Variants in DLG2 observed in about 807,000 individuals in gnomAD.
The protein encoded by DLG2 is disks large homolog 2.
Under a neutral mutation model 132.5 loss-of-function variants are expected in DLG2, and 45 were observed. The ratio of observed to expected loss-of-function variants is 0.34; its 90% confidence interval spans 0.27 to 0.44. The LOEUF is 0.44. DLG2 is among the 20% of genes least tolerant of loss of function. The pLI, the probability that DLG2 is intolerant of heterozygous loss-of-function variation, is 1.00. For synonymous variants in DLG2, 424 were observed against 419.6 expected (o/e 1.01, Z -0.13); for missense variants, 1,045 against 1,196.9 (o/e 0.87, Z 1.87).
chr11:83,830,980 G>A (rs958938724), intron 17 of DLG2, among the ~76,000 whole-genome samples: 1 of 152,180 alleles, frequency 6.6e-6, no homozygotes, highest in Non-Finnish European at 1.5e-5. Context: ...AGATACGTTA[G>A]TATGCTTTAG....
intron 6 of DLG2, among the ~76,000 whole-genome samples, chr11:84,631,019 C>CTCTCTCTCTG (rs1491269248): frequency 1.3e-5 from 1 of 76,414 alleles, no homozygotes; most frequent in Admixed American, 1.4e-4. Flanking sequence ...CTCTCTCTCT[C>CTCTCTCTCTG]ACACACACAC....
chr11:84,237,183 C>G (rs1802076978), intron 8 of DLG2, among the ~76,000 whole-genome samples: 1 of 152,114 alleles, frequency 6.6e-6, no homozygotes, highest in South Asian at 2.1e-4. Context: ...CTGCCTCGGC[C>G]TCCCAAAGTC....
Position 84,332,220 on chromosome 11 carries a change from T to TC in DLG2, c.520-80930_520-80929insG, listed in dbSNP as rs60384741. Reference sequence around the variant, plus strand: ...TTGCTTGTCCTTTTTTTTTTTTTTTTTCTTTTTCTGAGACAGAGTCTCGCT... The same window carrying TC: ...TTGCTTGTCCTTTTTTTTTTTTTTTTCTCTTTTTCTGAGACAGAGTCTCGCT... On this transcript the variant is annotated intron_variant, in intron 7 of 27. Coordinates refer to ENST00000376104, the MANE Select transcript of DLG2 (RefSeq NM_001142699.3). 8.9e-3 allele frequency among the ~76,000 whole-genome samples: 1,340 copies of TC among 151,264 alleles called. 15 individuals carry two copies. The highest frequency in any genetic ancestry group is 0.029 in the African/African-American group (1,197 of 41,154).
intron 7 of DLG2, among the ~76,000 whole-genome samples, chr11:84,367,245 G>C (rs1182638647): frequency 6.6e-6 from 1 of 152,140 alleles, no homozygotes; most frequent in African/African-American, 2.4e-5. Context: ...TTTTTCAACA[G>C]AGGAGGACAA....
At position 85,349,486 on chromosome 11, in the gene DLG2, T is replaced by G. The variant is rs536878232; in HGVS notation, c.41-64121A>C. Among the ~76,000 whole-genome samples, 11 of 152,248 alleles carry G rather than the reference T, an allele frequency of 7.2e-5. No homozygotes were observed. In the East Asian group the frequency reaches 1.9e-3, roughly 27 times the overall value. On this transcript the variant is annotated intron_variant, in intron 3 of 27. Transcript: ENST00000376104. ...TGTAGGTTTGATACATAGGTATACA[T>G]GTGCCATGTTGGTTTGCTGCACCCA... is the stretch of plus-strand genomic sequence containing the variant.
At chr11:85,231,537 C>T (rs1008709948) in intron 4 of DLG2, among the ~76,000 whole-genome samples, 1 of 151,898 alleles carries the variant, frequency 6.6e-6, no homozygotes, top group Admixed American at 6.6e-5. Flanking sequence ...CCTAATATTT[C>T]TGTCACCAAT....
intron 3 of DLG2, among the ~76,000 whole-genome samples, chr11:85,404,836 G>A (rs1179186922): frequency 2.0e-5 from 3 of 151,826 alleles, no homozygotes; most frequent in Non-Finnish European, 2.9e-5. Flanking sequence ...CTATCATAAC[G>A]TATCACAGAG....
intron 4 of DLG2, among the ~76,000 whole-genome samples, chr11:85,209,242 A>G (rs2082093955): frequency 6.6e-6 from 1 of 152,076 alleles, no homozygotes; most frequent in Admixed American, 6.6e-5. Flanking sequence ...ATACTTAGTT[A>G]AGTTCAATTT....
intron 6 of DLG2, among the ~76,000 whole-genome samples, chr11:85,019,964 A>G (rs566703056): frequency 2.0e-5 from 3 of 152,244 alleles, no homozygotes; most frequent in South Asian, 4.1e-4. Flanking sequence ...ATGATTTATA[A>G]TCCTTTGGCT....
At chr11:84,571,167 A>T (rs2099482707) in intron 6 of DLG2, among the ~76,000 whole-genome samples, 1 of 152,128 alleles carries the variant, frequency 6.6e-6, no homozygotes, top group Non-Finnish European at 1.5e-5. Flanking sequence ...GCTAAGAGGT[A>T]TGCTGTTTCT....
At chr11:84,247,525 C>T (rs1471143401) in intron 8 of DLG2, among the ~76,000 whole-genome samples, 3 of 152,062 alleles carry the variant, frequency 2.0e-5, no homozygotes, top group Non-Finnish European at 4.4e-5. Flanking sequence ...TATAGGGATT[C>T]CTGCTTTGCA....
At chr11:84,178,414 G>A (rs2096027702) in intron 8 of DLG2, among the ~76,000 whole-genome samples, 1 of 152,102 alleles carries the variant, frequency 6.6e-6, no homozygotes, top group Admixed American at 6.6e-5. Flanking sequence ...AAGTTTGAGT[G>A]CATATGAAAG....
At chr11:83,487,671 T>C (rs2093604127) in intron 21 of DLG2, among the ~76,000 whole-genome samples, 1 of 152,082 alleles carries the variant, frequency 6.6e-6, no homozygotes, top group Admixed American at 6.6e-5. Flanking sequence ...AGCTTGATGC[T>C]TGAAGATTAT....
intron 3 of DLG2, among the ~76,000 whole-genome samples, chr11:85,366,951 TTTTG>T (rs1210780955): frequency 6.6e-6 from 1 of 152,154 alleles, no homozygotes; most frequent in Non-Finnish European, 1.5e-5. Flanking sequence ...ATCACTGTGA[TTTTG>T]TTTTTCTCAT....
intron 6 of DLG2, among the ~76,000 whole-genome samples, chr11:85,026,924 A>G (rs530183199): frequency 2.6e-5 from 4 of 152,140 alleles, no homozygotes; most frequent in Admixed American, 1.3e-4. Flanking sequence ...TTTTACTGAA[A>G]TATTTGCCTA....
chr11:84,134,027 C>A (rs1162038684), intron 9 of DLG2, among the ~76,000 whole-genome samples: 1 of 152,014 alleles, frequency 6.6e-6, no homozygotes, highest in African/African-American at 2.4e-5. Context: ...TTGGTAGATA[C>A]CCATTTTCCT....
chr11:85,012,665 T>C (rs1343455822), intron 6 of DLG2, among the ~76,000 whole-genome samples: 4 of 152,148 alleles, frequency 2.6e-5, no homozygotes, highest in Admixed American at 6.5e-5. Flanking sequence ...AGATAAATCA[T>C]TGCTTTTGGG....
At chr11:84,510,094 C>CTTATTATTATTATTATTA (rs10680572) in intron 7 of DLG2, among the ~76,000 whole-genome samples, 2 of 146,566 alleles carry the variant, frequency 1.4e-5, no homozygotes, top group South Asian at 2.1e-4. Context: ...TAAGAGTTCA[C>CTTATTATTATTATTATTA]TTATTATTAT....
intron 6 of DLG2, among the ~76,000 whole-genome samples, chr11:84,628,783 A>G (rs1375183265): frequency 6.6e-6 from 1 of 152,210 alleles, no homozygotes; most frequent in Non-Finnish European, 1.5e-5. Context: ...ATAAAACAGA[A>G]ACCAACCTGA....
Sources: gnomAD v4.1 joint callset for allele counts (sites outside exome capture counted in the v4.1 genomes callset) on GRCh38, gnomAD v4.1.1 for gene constraint, MANE v1.5 for transcripts, NCBI Gene and HGNC (gene_info 2026-07-23, HGNC 2026-07-21) for gene names.